KCNH5: variants seen among roughly 807,000 people sequenced by gnomAD.
KCNH5 encodes voltage-gated delayed rectifier potassium channel KCNH5.
Under a neutral mutation model 96.1 loss-of-function variants are expected in KCNH5, and 46 were observed. The ratio of observed to expected loss-of-function variants is 0.48; its 90% CI spans 0.38 to 0.61. The LOEUF is 0.61. Among genes scored for constraint, KCNH5 ranks in the 20% least tolerant of loss-of-function variants. The pLI is 0.00. For missense variants in KCNH5, 907 were observed against 1,225.8 expected (o/e 0.74, Z 3.88); for synonymous variants, 439 against 449.8 (o/e 0.98, Z 0.30).
Position 62,981,252 on chromosome 14 carries a change from C to T in KCNH5, c.562G>A (p.Gly188Arg). The T allele has an allele frequency of 6.2e-7, 1 of 1,613,944 alleles. No individual in the cohort carries two copies. The highest frequency in any genetic ancestry group is 8.5e-7 in the Non-Finnish European group (1 of 1,179,946). ...TTATACTGAGGAAGGATATCTGATC[C>T]CAGCTGAAGAACCTAAAAGAGAGAA... ...HSRLAEVLQLGSDILPQYKQE... is the reference protein window; with the variant it reads ...HSRLAEVLQLRSDILPQYKQE... The change falls in exon 6 of 11, where the codon GGA (glycine) becomes AGA (arginine). Residue 188 changes from glycine to arginine, a missense_variant. Gly to Arg is a moderately radical substitution (Grantham distance 125). Transcript: ENST00000322893.
chr14:62,898,852 C>T (rs1888867474), intron 7 of KCNH5, among the ~76,000 whole-genome samples: 1 of 152,004 alleles, frequency 6.6e-6, no homozygotes, highest in African/African-American at 2.4e-5. Flanking sequence ...TGTAATTACT[C>T]ATAATTATTA....
At chr14:62,749,772 C>T (rs1211307487) in intron 10 of KCNH5, among the ~76,000 whole-genome samples, 3 of 152,182 alleles carry the variant, frequency 2.0e-5, no homozygotes, top group African/African-American at 7.2e-5. Context: ...TCTCTTGGCA[C>T]CGTTTAGCAA....
rs143081545 is a variant in KCNH5 at position 63,009,637 on chromosome 14, C to A, written c.198-3165G>T. ...ATAAAGAATGTCAGAAATGTACTAT[C>A]TATCTATCCTCCCAAGGCAAGTGTT... is the stretch of plus-strand genomic sequence containing the variant. On this transcript the variant is annotated intron_variant, in intron 2 of 10. Transcript: ENST00000322893. Among the ~76,000 whole-genome samples, 102 of 152,254 alleles carry A rather than the reference C, an allele frequency of 6.7e-4. 3 individuals carry two copies. The East Asian group carries it at 0.019, about 28-fold the overall frequency.
chr14:62,972,315 G>A (rs1956665), intron 6 of KCNH5, among the ~76,000 whole-genome samples: 51,560 of 152,056 alleles, frequency 0.34, 9,125 homozygotes, highest in African/African-American at 0.39. Context: ...CTACACACCT[G>A]TTAGAATAGT....
chr14:62,852,644 G>A lies in KCNH5; in HGVS notation c.1370-2792C>T, dbSNP rs1359832339. On this transcript the variant is annotated intron_variant, in intron 7 of 10. Coordinates refer to ENST00000322893, the MANE Select transcript of KCNH5 (RefSeq NM_139318.5). ...TTTTTTCGTATGCACTTGTTTCTTCGGTGTATAGTTTTATAAAATTTTATC... is the reference window on the plus strand; with the variant it reads ...TTTTTTCGTATGCACTTGTTTCTTCAGTGTATAGTTTTATAAAATTTTATC... Among the ~76,000 whole-genome samples the A allele has an allele frequency of 1.4e-4, 21 of 150,606 alleles. No individual in the cohort carries two copies. In the East Asian group the frequency reaches 3.3e-3, roughly 24 times the overall value.
At chr14:62,828,891 T>C (rs556531193) in intron 8 of KCNH5, among the ~76,000 whole-genome samples, 1 of 152,264 alleles carries the variant, frequency 6.6e-6, no homozygotes, top group East Asian at 1.9e-4. Context: ...AAGTTCCTTC[T>C]GCCTATGAGC....
intron 6 of KCNH5, among the ~76,000 whole-genome samples, chr14:62,957,178 C>G (rs572709369): frequency 6.6e-6 from 1 of 152,288 alleles, no homozygotes; most frequent in African/African-American, 2.4e-5. Flanking sequence ...GTGCCATTAA[C>G]CCTTCAAGTC....
chr14:62,842,716 T>C (rs529199249), intron 8 of KCNH5, among the ~76,000 whole-genome samples: 2 of 152,262 alleles, frequency 1.3e-5, no homozygotes, highest in South Asian at 4.1e-4. Flanking sequence ...ACATTCTGAA[T>C]CCTAATTTTT....
chr14:62,930,199 A>C (rs1353887234), intron 7 of KCNH5, among the ~76,000 whole-genome samples: 2 of 152,058 alleles, frequency 1.3e-5, no homozygotes, highest in African/African-American at 4.8e-5. Context: ...GTTCTTTCAG[A>C]AATCCCCAAA....
chr14:63,041,337 T>C (rs1485296392), intron 1 of KCNH5, among the ~76,000 whole-genome samples: 9 of 152,174 alleles, frequency 5.9e-5, no homozygotes, highest in Non-Finnish European at 7.4e-5. Flanking sequence ...TTTGCATAAA[T>C]AATTGAAATT....
At chr14:62,787,502 A>T (rs539773540) in intron 9 of KCNH5, among the ~76,000 whole-genome samples, 283 of 152,340 alleles carry the variant, frequency 1.9e-3, no homozygotes, top group Non-Finnish European at 3.3e-3. Context: ...TATCCAGAAG[A>T]TCTGCTAAAA....
chr14:62,864,597 G>A (rs571462009), intron 7 of KCNH5, among the ~76,000 whole-genome samples: 32 of 152,288 alleles, frequency 2.1e-4, no homozygotes, highest in South Asian at 1.2e-3. Context: ...TTTGCAAACT[G>A]TACTCTCTTG....
chr14:62,822,155 T>G (rs12897538), intron 8 of KCNH5, among the ~76,000 whole-genome samples: 28,903 of 152,148 alleles, frequency 0.19, 2,850 homozygotes, highest in Admixed American at 0.22. Flanking sequence ...TATACCATGT[T>G]AATAAATTGG....
intron 8 of KCNH5, among the ~76,000 whole-genome samples, chr14:62,848,564 T>C (rs961027977): frequency 6.6e-6 from 1 of 152,122 alleles, no homozygotes; most frequent in African/African-American, 2.4e-5. Context: ...AACTCCTAAG[T>C]TCCTCGTCCA....
intron 7 of KCNH5, among the ~76,000 whole-genome samples, chr14:62,877,893 C>T (rs1440122667): frequency 6.6e-6 from 1 of 151,788 alleles, no homozygotes; most frequent in Non-Finnish European, 1.5e-5. Flanking sequence ...GACACATGCA[C>T]ACGTATGTTT....
At chr14:62,868,918 T>A (rs988454244) in intron 7 of KCNH5, among the ~76,000 whole-genome samples, 3 of 152,250 alleles carry the variant, frequency 2.0e-5, no homozygotes, top group African/African-American at 7.2e-5. Flanking sequence ...TGCCACATTT[T>A]CTTTATCCAG....
At chr14:62,948,774 A>T (rs1260919546) in intron 7 of KCNH5, among the ~76,000 whole-genome samples, 2 of 149,018 alleles carry the variant, frequency 1.3e-5, no homozygotes, top group East Asian at 3.9e-4. Context: ...AATACTGGCA[A>T]ACCGAATCCA....
At chr14:62,839,331 CT>C (rs1887528388) in intron 8 of KCNH5, among the ~76,000 whole-genome samples, 1 of 152,032 alleles carries the variant, frequency 6.6e-6, no homozygotes, top group African/African-American at 2.4e-5. Flanking sequence ...AATATTAACA[CT>C]TATTCATAAT....
intron 7 of KCNH5, among the ~76,000 whole-genome samples, chr14:62,853,101 C>G (rs907938064): frequency 3.9e-5 from 6 of 152,122 alleles, no homozygotes; most frequent in African/African-American, 1.4e-4. Flanking sequence ...GATCAAAAAC[C>G]TCAAAGTTAT....
Sources: gnomAD v4.1 joint callset for allele counts (sites outside exome capture counted in the v4.1 genomes callset) on GRCh38, gnomAD v4.1.1 for gene constraint, MANE v1.5 for transcripts, NCBI Gene and HGNC (gene_info 2026-07-23, HGNC 2026-07-21) for gene names.